MSL2: variants seen among roughly 807,000 people sequenced by gnomAD.
MSL2 encodes MSL complex subunit 2.
In MSL2, 2 loss-of-function variants were observed where a neutral mutation model predicts 35.8. That is an observed-to-expected ratio of 0.06 (90% CI 0.02 to 0.18). The LOEUF (loss-of-function observed/expected upper bound fraction) is 0.18. Ranked by LOEUF, MSL2 falls within the 10% of genes least tolerant of loss-of-function variation. The pLI is 1.00. For missense variants in MSL2, 523 were observed against 706.7 expected, an observed-to-expected ratio of 0.74 and a Z score of 2.95; for synonymous variants, 296 against 255.7, an observed-to-expected ratio of 1.16 and a Z score of -1.50.
intron 1 of MSL2, among the ~76,000 whole-genome samples, chr3:136,157,870 G>C (rs963487120): frequency 6.6e-6 from 1 of 152,156 alleles, no homozygotes; most frequent in African/African-American, 2.4e-5. Context: ...CTCAAAAGAA[G>C]ACTCCAGGGC....
chr3:136,156,512 G>C (rs1051122521), intron 1 of MSL2, among the ~76,000 whole-genome samples: 2 of 152,142 alleles, frequency 1.3e-5, no homozygotes, highest in African/African-American at 4.8e-5. Context: ...ATTGTAAAAA[G>C]AATGAAGTCT....
intron 1 of MSL2, among the ~76,000 whole-genome samples, chr3:136,171,851 G>A (rs1940034900): frequency 6.6e-6 from 1 of 152,176 alleles, no homozygotes. Context: ...GAGGTAACAG[G>A]TATGTATGTG....
At position 136,151,228 on chromosome 3, in the gene MSL2, G is replaced by A; in HGVS notation, c.1653C>T (p.Ser551=). The A allele has an allele frequency of 6.2e-7, 1 of 1,614,186 alleles. No homozygotes were observed. Among genetic ancestry groups the A allele is most frequent in the Non-Finnish European group, 8.5e-7 (1 of 1,180,038 alleles). Residue 551 remains serine, a synonymous_variant, in exon 2 of 2, where the codon TCC becomes TCT. Transcript: ENST00000309993. The surrounding 1 kb of genome is among the most constrained non-coding windows in gnomAD (Gnocchi z 5.2). ...TGGCAGCTAAAAACGTCGTTACTGG[G>A]GACCCTGTGACATTTATTACACTGG... is the stretch of plus-strand genomic sequence containing the variant. ...TSTSVINVTG[S]PVTTFLAAST...
intron 1 of MSL2, among the ~76,000 whole-genome samples, chr3:136,174,752 C>T (rs999695999): frequency 2.0e-5 from 3 of 151,434 alleles, no homozygotes; most frequent in Non-Finnish European, 4.4e-5. Context: ...TTTGTACCAT[C>T]TTCTGTGTAA....
intron 1 of MSL2, among the ~76,000 whole-genome samples, chr3:136,169,640 G>C (rs1263686530): frequency 6.6e-6 from 1 of 151,930 alleles, no homozygotes. Flanking sequence ...AGTAGAGACG[G>C]GGTTTCACCA....
intron 1 of MSL2, among the ~76,000 whole-genome samples, chr3:136,178,532 C>CT (rs1180948007): frequency 0.054 from 7,298 of 134,832 alleles, 444 homozygotes; most frequent in African/African-American, 0.14. Context: ...TTTACTGGCA[C>CT]TTTTTTTTTT....
intron 1 of MSL2, among the ~76,000 whole-genome samples, chr3:136,166,155 G>A (rs1006523831): frequency 9.9e-5 from 15 of 151,184 alleles, no homozygotes; most frequent in Admixed American, 4.6e-4. Flanking sequence ...TTGGGAGGCC[G>A]AGGTGGGCGG....
At chr3:136,157,483 CAG>C (rs1939567964) in intron 1 of MSL2, among the ~76,000 whole-genome samples, 1 of 152,190 alleles carries the variant, frequency 6.6e-6, no homozygotes, top group Admixed American at 6.5e-5. Context: ...GCCTGGGCGA[CAG>C]AGCCAGACTC....
At chr3:136,178,439 AAG>A (rs1291780288) in intron 1 of MSL2, among the ~76,000 whole-genome samples, 1 of 152,132 alleles carries the variant, frequency 6.6e-6, no homozygotes, top group Non-Finnish European at 1.5e-5. Flanking sequence ...TTACCCTCTT[AAG>A]AGAGTCATCC....
chr3:136,157,915 T>A lies in MSL2; in HGVS notation c.143-5177A>T, dbSNP rs139129992. 1.3e-3 allele frequency among the ~76,000 whole-genome samples: 197 copies of A among 152,112 alleles called. 1 individual carries two copies. Among genetic ancestry groups the A allele is most frequent in the African/African-American group, 4.4e-3 (182 of 41,496 alleles). ...TCACTGGTAAATTCTAACAAATAAT[T>A]AAAAAGGAATAACACCCAAACATAG... On this transcript the variant is annotated intron_variant, in intron 1 of 1. Transcript: ENST00000309993.
intron 1 of MSL2, among the ~76,000 whole-genome samples, chr3:136,172,012 C>T (rs1259168437): frequency 2.0e-5 from 3 of 152,134 alleles, no homozygotes; most frequent in African/African-American, 7.2e-5. Flanking sequence ...CTAACTCAGC[C>T]TTCTGCGTAG....
intron 1 of MSL2, among the ~76,000 whole-genome samples, chr3:136,153,251 C>G (rs1056620295): frequency 6.6e-6 from 1 of 152,174 alleles, no homozygotes; most frequent in South Asian, 2.1e-4. Flanking sequence ...AAACCAAAAC[C>G]CTTTGGACCT....
At chr3:136,153,694 G>T (rs1321789703) in intron 1 of MSL2, among the ~76,000 whole-genome samples, 1 of 152,018 alleles carries the variant, frequency 6.6e-6, no homozygotes, top group Non-Finnish European at 1.5e-5. Context: ...GGAGGCTGAG[G>T]CAGGAGCATC....
At chr3:136,180,752 A>AGGAGGGAAGGAGGGAGGGAGGGAG (rs1457460972) in intron 1 of MSL2, among the ~76,000 whole-genome samples, 1 of 85,912 alleles carries the variant, frequency 1.2e-5, no homozygotes, top group Non-Finnish European at 2.2e-5. Flanking sequence ...AGAGGAGGGA[A>AGGAGGGAAGGAGGGAGGGAGGGAG]GGAGGGAAGG....
chr3:136,152,753 G>A lies in MSL2; in HGVS notation c.143-15C>T. On this transcript the variant is annotated splice_polypyrimidine_tract_variant and intron_variant, in intron 1 of 1. Coordinates refer to ENST00000309993, the MANE Select transcript of MSL2 (RefSeq NM_018133.4). ...TAGCAAATGTCCTAAGGGGGAGAAG[G>A]AGGAAAGCAAAGATTTTAGTAAAAT... is the stretch of plus-strand genomic sequence containing the variant. 6.2e-7 allele frequency: 1 copy of A among 1,602,148 alleles called. No homozygotes were observed. The highest frequency in any genetic ancestry group is 8.5e-7 in the Non-Finnish European group (1 of 1,173,806).
chr3:136,187,226 CACAAT>C (rs1317844319), intron 1 of MSL2, among the ~76,000 whole-genome samples: 2 of 152,032 alleles, frequency 1.3e-5, no homozygotes, highest in African/African-American at 4.8e-5. Context: ...ACAAAGATAA[CACAAT>C]ACATTTCAAA....
chr3:136,189,108 CAAAA>C (rs372715974), intron 1 of MSL2, among the ~76,000 whole-genome samples: 66 of 38,592 alleles, frequency 1.7e-3, no homozygotes, highest in African/African-American at 6.4e-3. Context: ...CCTGTCTCTA[CAAAA>C]AAAAAAAAAA....
chr3:136,169,648 C>T (rs1939962042), intron 1 of MSL2, among the ~76,000 whole-genome samples: 1 of 152,008 alleles, frequency 6.6e-6, no homozygotes, highest in Admixed American at 6.5e-5. Flanking sequence ...CGGGGTTTCA[C>T]CATGTTGGCC....
At position 136,184,834 on chromosome 3, in the gene MSL2, T is replaced by C. The variant is rs73863199; in HGVS notation, c.142+10138A>G. On this transcript the variant is annotated intron_variant, in intron 1 of 1. Coordinates refer to ENST00000309993, the MANE Select transcript of MSL2 (RefSeq NM_018133.4). ...CTACCACCAAAGAAAAAAGCCAATC[T>C]CTCAAATCTAGCCAATGATGCTAGC... Among the ~76,000 whole-genome samples the C allele has an allele frequency of 3.0e-3, 438 of 148,002 alleles. 6 individuals are homozygous for C. Among genetic ancestry groups the C allele is most frequent in the African/African-American group, 0.011 (426 of 39,306 alleles).
Sources: gnomAD v4.1 joint callset for allele counts (sites outside exome capture counted in the v4.1 genomes callset) on GRCh38, gnomAD v4.1.1 for gene constraint, Gnocchi (gnomAD v3.1) non-coding constraint, MANE v1.5 for transcripts, NCBI Gene and HGNC (gene_info 2026-07-23, HGNC 2026-07-21) for gene names.